The following RBFOX3 variants were observed in gnomAD, a reference collection of about 807,000 sequenced individuals.
RBFOX3 encodes the protein RNA binding protein fox-1 homolog 3.
A neutral mutation model predicts 48.7 loss-of-function variants in RBFOX3; 17 were observed. The observed-to-expected ratio is 0.35, with a 90% CI of 0.24 to 0.52. The LOEUF is 0.52. Ranked by LOEUF, RBFOX3 falls within the 20% of genes least tolerant of loss-of-function variation. RBFOX3 has a pLI of 0.94. For synonymous variants in RBFOX3, 212 were observed against 209.5 expected, an observed-to-expected ratio of 1.01 and a Z score of -0.10; for missense variants, 382 against 497.5, an observed-to-expected ratio of 0.77 and a Z score of 2.21.
At chr17:79,209,573 C>T (rs1386395414) in intron 4 of RBFOX3, among the ~76,000 whole-genome samples, 1 of 152,232 alleles carries the variant, frequency 6.6e-6, no homozygotes, top group Non-Finnish European at 1.5e-5. Flanking sequence ...GAGAGATGAA[C>T]CACCTCGGTA....
chr17:79,146,006 A>C (rs2042962802), intron 4 of RBFOX3, among the ~76,000 whole-genome samples: 1 of 152,174 alleles, frequency 6.6e-6, no homozygotes, highest in African/African-American at 2.4e-5. Flanking sequence ...AGAGCATGCA[A>C]CCTGGATCCC....
At chr17:79,092,433 G>A (rs1417646920) in intron 14 of RBFOX3, 1 of 985,626 alleles carries the variant, frequency 1.0e-6, no homozygotes, top group Non-Finnish European at 1.2e-6. Flanking sequence ...CCAACTGGCT[G>A]GAGAGAAATA....
At chr17:79,293,194 A>G (rs767479430) in intron 3 of RBFOX3, among the ~76,000 whole-genome samples, 54 of 152,222 alleles carry the variant, frequency 3.5e-4, no homozygotes, top group Non-Finnish European at 7.5e-4. Flanking sequence ...TCCGTTTAAC[A>G]GGTAAGAAAA....
rs1210308116 is a variant in RBFOX3 at position 79,252,426 on chromosome 17, C to T, written c.-73-16621G>A. On this transcript the variant is annotated intron_variant, in intron 3 of 14. Coordinates refer to ENST00000693108, the MANE Select transcript of RBFOX3 (RefSeq NM_001350451.2). This position sits in a 1 kb window ranked among gnomAD's most constrained non-coding sequence, Gnocchi z 4.0. ...CTATCACCCGTCCAAGTGAGCAAGT[C>T]AGCTGGGGTCCACTCTGACCCTCCC... Among the ~76,000 whole-genome samples the T allele has an allele frequency of 1.3e-5, 2 of 152,178 alleles. No homozygotes were observed. The highest frequency in any genetic ancestry group is 4.8e-5 in the African/African-American group (2 of 41,452).
rs2078584351 is a variant in RBFOX3 at position 79,480,226 on chromosome 17, CT to C, written c.-175+2227del. 6.6e-6 allele frequency among the ~76,000 whole-genome samples: 1 copy of C among 152,148 alleles called. No individual in the cohort carries two copies. The highest frequency in any genetic ancestry group is 2.4e-5 in the African/African-American group (1 of 41,436). ...CTATCTGGGCTCCCCGAGGGGGCCC[CT>C]GATGGTTTACGGAATGGGGTGACAG... On this transcript the variant is annotated intron_variant, in intron 2 of 14. Coordinates refer to ENST00000693108, the MANE Select transcript of RBFOX3 (RefSeq NM_001350451.2). The surrounding 1 kb of genome is among the most constrained non-coding windows in gnomAD (Gnocchi z 4.8).
At chr17:79,206,717 C>T (rs12943811) in intron 4 of RBFOX3, among the ~76,000 whole-genome samples, 37,811 of 152,058 alleles carry the variant, frequency 0.25, 4,896 homozygotes, top group Admixed American at 0.34. Flanking sequence ...CTGAATGTGC[C>T]GGCCAGTTAA....
In RBFOX3 at chr17:79,301,331, G is replaced by A. The variant is rs576408338; in HGVS notation, c.-74+6393C>T. Reference sequence around the variant, plus strand: ...ACACCCGGACTTGGAACCCCACTGGGGTGAGCGGCTAATAGAACACAAAGT... The same window carrying A: ...ACACCCGGACTTGGAACCCCACTGGAGTGAGCGGCTAATAGAACACAAAGT... On this transcript the variant is annotated intron_variant, in intron 3 of 14. Coordinates refer to ENST00000693108, the MANE Select transcript of RBFOX3 (RefSeq NM_001350451.2). Among the ~76,000 whole-genome samples the A allele has an allele frequency of 8.5e-5, 13 of 152,352 alleles. No homozygotes were observed. In the South Asian group the frequency reaches 2.5e-3, roughly 29 times the overall value.
chr17:79,367,007 G>A (rs1432340702), intron 2 of RBFOX3, among the ~76,000 whole-genome samples: 1 of 152,122 alleles, frequency 6.6e-6, no homozygotes, highest in Non-Finnish European at 1.5e-5. Flanking sequence ...CCTCAAGGTG[G>A]GGCAGCTCCA....
At chr17:79,605,562 G>A (rs1445786055) in intron 1 of RBFOX3, among the ~76,000 whole-genome samples, 1 of 152,180 alleles carries the variant, frequency 6.6e-6, no homozygotes, top group Non-Finnish European at 1.5e-5. Context: ...AGACGGCCAG[G>A]TACAGAGCGG....
intron 1 of RBFOX3, among the ~76,000 whole-genome samples, chr17:79,580,168 C>A (rs1568430132): frequency 6.6e-6 from 1 of 151,870 alleles, no homozygotes; most frequent in South Asian, 2.1e-4. Context: ...CCCACCATGG[C>A]TTTGCTTAAG....
At chr17:79,574,822 T>G (rs1599194750) in intron 1 of RBFOX3, among the ~76,000 whole-genome samples, 1 of 152,120 alleles carries the variant, frequency 6.6e-6, no homozygotes, top group African/African-American at 2.4e-5. Flanking sequence ...CAGGCCAGGG[T>G]CCAGCCTCCC....
intron 2 of RBFOX3, among the ~76,000 whole-genome samples, chr17:79,399,846 G>A (rs1183694853): frequency 6.6e-6 from 1 of 152,240 alleles, no homozygotes; most frequent in East Asian, 1.9e-4. Context: ...AAGAATGCTG[G>A]CTTTCTCTCC....
At chr17:79,509,384 C>A (rs888353844) in intron 1 of RBFOX3, among the ~76,000 whole-genome samples, 2 of 152,094 alleles carry the variant, frequency 1.3e-5, no homozygotes, top group Non-Finnish European at 2.9e-5. Context: ...GCACATAGCT[C>A]AGCAAAGCCA....
chr17:79,194,234 C>T (rs1039045326), intron 4 of RBFOX3, among the ~76,000 whole-genome samples: 10 of 152,130 alleles, frequency 6.6e-5, no homozygotes, highest in Non-Finnish European at 1.5e-5. Flanking sequence ...GCCTTAGTGG[C>T]TGAGAGGTGG....
intron 2 of RBFOX3, among the ~76,000 whole-genome samples, chr17:79,372,276 C>T (rs1338421798): frequency 6.8e-6 from 1 of 147,876 alleles, no homozygotes; most frequent in Non-Finnish European, 1.5e-5. Context: ...CCTATGGCTC[C>T]CCTGGGTCCT....
intron 1 of RBFOX3, among the ~76,000 whole-genome samples, chr17:79,565,572 C>T (rs1351142209): frequency 4.6e-5 from 7 of 152,216 alleles, no homozygotes; most frequent in Middle Eastern, 3.4e-3. Flanking sequence ...AACCCCTGAC[C>T]GCAATTGATC....
chr17:79,164,329 G>T (rs745787176), intron 4 of RBFOX3, among the ~76,000 whole-genome samples: 10 of 152,194 alleles, frequency 6.6e-5, no homozygotes, highest in Non-Finnish European at 1.0e-4. Flanking sequence ...CTTCCTGTGG[G>T]CAGCACCGTG....
chr17:79,559,651 GTGGATGGA>G (rs2092055639), intron 1 of RBFOX3, among the ~76,000 whole-genome samples: 1 of 144,604 alleles, frequency 6.9e-6, no homozygotes, highest in African/African-American at 2.6e-5. Flanking sequence ...TAGTGGATGG[GTGGATGGA>G]TGGGTGGGTG....
intron 3 of RBFOX3, among the ~76,000 whole-genome samples, chr17:79,253,098 C>T (rs2064226262): frequency 6.6e-6 from 1 of 152,138 alleles, no homozygotes; most frequent in Non-Finnish European, 1.5e-5. Flanking sequence ...GTTTCAGGTC[C>T]CCCTTCTTCT....
Sources: gnomAD v4.1 joint callset for allele counts (sites outside exome capture counted in the v4.1 genomes callset) on GRCh38, gnomAD v4.1.1 for gene constraint, Gnocchi (gnomAD v3.1) non-coding constraint, MANE v1.5 for transcripts, NCBI Gene and HGNC (gene_info 2026-07-23, HGNC 2026-07-21) for gene names.